Variants in FSIP1 observed in about 807,000 individuals in gnomAD.
The protein encoded by FSIP1 is fibrous sheath interacting protein 1, also known as fibrous sheath-interacting protein 1.
Under a neutral mutation model 60.9 loss-of-function variants are expected in FSIP1, and 65 were observed. That is an observed-to-expected ratio of 1.07 (90% CI 0.87 to 1.31). The LOEUF (loss-of-function observed/expected upper bound fraction) is 1.31. FSIP1 is among the 40% of genes most tolerant of loss of function. The probability of loss-of-function intolerance (pLI) is 0.00; values close to 1 mark genes in which losing one functional copy is unlikely to be tolerated. For synonymous variants in FSIP1, 209 were observed against 221.2 expected (o/e 0.94, Z 0.49); for missense variants, 675 against 665.5 (o/e 1.01, Z -0.16).
chr15:39,690,364 G>A (rs923118494), intron 10 of FSIP1, among the ~76,000 whole-genome samples: 2 of 152,190 alleles, frequency 1.3e-5, no homozygotes, highest in Admixed American at 6.5e-5. Flanking sequence ...AATGTGGTAA[G>A]ACAGAGATAA....
intron 5 of FSIP1, among the ~76,000 whole-genome samples, chr15:39,748,016 C>T (rs552768052): frequency 3.3e-5 from 5 of 152,298 alleles, no homozygotes; most frequent in Non-Finnish European, 7.4e-5. Flanking sequence ...GAGCATCCTT[C>T]ACTGCCTTGA....
chr15:39,780,332 G>A (rs951923896), intron 1 of FSIP1, among the ~76,000 whole-genome samples: 1 of 152,230 alleles, frequency 6.6e-6, no homozygotes, highest in African/African-American at 2.4e-5. Flanking sequence ...AGAACACCCT[G>A]GCTAACACGG....
intron 10 of FSIP1, among the ~76,000 whole-genome samples, chr15:39,635,397 A>G (rs1431518353): frequency 6.6e-6 from 1 of 152,102 alleles, no homozygotes. Context: ...GCATGTATTG[A>G]GTTACTAGAA....
chr15:39,668,299 G>A (rs1030061087), intron 10 of FSIP1, among the ~76,000 whole-genome samples: 1 of 150,092 alleles, frequency 6.7e-6, no homozygotes, highest in East Asian at 2.0e-4. Flanking sequence ...CTTCTTCCTC[G>A]CCTTTTTTGT....
At chr15:39,767,260 C>G (rs561532976) in intron 3 of FSIP1, among the ~76,000 whole-genome samples, 1 of 152,200 alleles carries the variant, frequency 6.6e-6, no homozygotes, top group African/African-American at 2.4e-5. Context: ...TCAAAAGCAA[C>G]ACCTTCTAGT....
Position 39,710,125 on chromosome 15 carries a change from C to T in FSIP1, c.1188+3319G>A, listed in dbSNP as rs191742814. Among the ~76,000 whole-genome samples the T allele has an allele frequency of 7.2e-4, 110 of 152,244 alleles. 2 individuals carry two copies. The highest frequency in any genetic ancestry group is 6.8e-3 in the Middle Eastern group (2 of 294). On this transcript the variant is annotated intron_variant, in intron 10 of 11. Coordinates refer to ENST00000350221, the MANE Select transcript of FSIP1 (RefSeq NM_152597.5). The stretch of plus-strand genomic sequence containing the variant: ...TCCCCTCAACAGGTCACGTGGTACA[C>T]AACATGAATCCACAATTATGAAATC...
At chr15:39,660,998 G>A (rs1182788040) in intron 10 of FSIP1, among the ~76,000 whole-genome samples, 1 of 152,204 alleles carries the variant, frequency 6.6e-6, no homozygotes, top group East Asian at 1.9e-4. Context: ...AGGGATGGAG[G>A]TTTCAGTGAG....
At chr15:39,646,779 A>G (rs1892634545) in intron 10 of FSIP1, among the ~76,000 whole-genome samples, 1 of 152,106 alleles carries the variant, frequency 6.6e-6, no homozygotes, top group Non-Finnish European at 1.5e-5. Flanking sequence ...TTCCTTGTTC[A>G]TTGCAGCATT....
chr15:39,618,213 C>T lies in FSIP1; in HGVS notation c.1221G>A (p.Gln407=). ...TGCATTCATCCAGAAGACACTTTAACTGTTCTTCAGAGAGACATGATGTGG... is the reference window on the plus strand; with the variant it reads ...TGCATTCATCCAGAAGACACTTTAATTGTTCTTCAGAGAGACATGATGTGG... ...LESTSCLSEE[Q]LKCLLDECIL... Residue 407 remains glutamine (Q), a synonymous_variant, in exon 11 of 12, where the codon CAG becomes CAA. Transcript: ENST00000350221. 6.2e-7 allele frequency: 1 copy of T among 1,611,072 alleles called. No homozygotes were observed. The highest frequency in any genetic ancestry group is 8.5e-7 in the Non-Finnish European group (1 of 1,177,522).
intron 10 of FSIP1, among the ~76,000 whole-genome samples, chr15:39,693,254 A>C (rs1894677599): frequency 6.6e-6 from 1 of 152,238 alleles, no homozygotes; most frequent in Non-Finnish European, 1.5e-5. Flanking sequence ...GAGCTCCGTG[A>C]CTTCCAATGC....
At chr15:39,774,677 G>A (rs762905460) in intron 2 of FSIP1, among the ~76,000 whole-genome samples, 4 of 152,188 alleles carry the variant, frequency 2.6e-5, no homozygotes, top group Non-Finnish European at 4.4e-5. Context: ...CTAGGGTTCT[G>A]GACGTACGTT....
chr15:39,764,031 A>ATT (rs199579137), intron 4 of FSIP1, 117 bp from the exon 5 acceptor site: 369 of 472,480 alleles, frequency 7.8e-4, no homozygotes, highest in South Asian at 1.1e-3. Flanking sequence ...GTCTCAGGCT[A>ATT]TTTTTTTTTT....
At chr15:39,659,535 C>A (rs1893208290) in intron 10 of FSIP1, among the ~76,000 whole-genome samples, 1 of 148,204 alleles carries the variant, frequency 6.7e-6, no homozygotes, top group Admixed American at 6.7e-5. Flanking sequence ...GAGCAAGACT[C>A]CTCCTCAAAA....
chr15:39,723,519 A>G (rs990848321), intron 9 of FSIP1, among the ~76,000 whole-genome samples: 3 of 152,202 alleles, frequency 2.0e-5, no homozygotes, highest in Non-Finnish European at 2.9e-5. Flanking sequence ...GTGAGCCACC[A>G]TGCCCAGCCT....
intron 10 of FSIP1, among the ~76,000 whole-genome samples, chr15:39,681,715 T>C (rs748667101): frequency 8.5e-5 from 13 of 152,116 alleles, no homozygotes; most frequent in Non-Finnish European, 1.5e-4. Context: ...AGAAATAAGA[T>C]GAAAATGATT....
At chr15:39,677,991 T>A (rs1412770806) in intron 10 of FSIP1, among the ~76,000 whole-genome samples, 3 of 145,970 alleles carry the variant, frequency 2.1e-5, no homozygotes, top group African/African-American at 7.7e-5. Flanking sequence ...CGAGAATTCG[T>A]CTCAAAAAAA....
intron 5 of FSIP1, among the ~76,000 whole-genome samples, chr15:39,752,502 A>C (rs191360317): frequency 1.3e-4 from 20 of 152,198 alleles, no homozygotes; most frequent in Non-Finnish European, 2.8e-4. Context: ...GATGTAATGT[A>C]ATGAAAATGA....
chr15:39,709,558 T>A (rs2631705), intron 10 of FSIP1, among the ~76,000 whole-genome samples: 144 of 151,964 alleles, frequency 9.5e-4, no homozygotes, highest in Non-Finnish European at 1.6e-3. Context: ...GCCAAGAATC[T>A]CTGGCAAAAG....
chr15:39,704,059 T>C (rs2088562915), intron 10 of FSIP1, among the ~76,000 whole-genome samples: 1 of 152,222 alleles, frequency 6.6e-6, no homozygotes, highest in Non-Finnish European at 1.5e-5. Context: ...GGCCTGTGAT[T>C]AAGAGAACAA....
Sources: allele counts gnomAD v4.1 joint callset (sites outside exome capture counted in the v4.1 genomes callset), GRCh38; gene constraint gnomAD v4.1.1; transcripts MANE v1.5; gene names NCBI Gene and HGNC (gene_info 2026-07-23, HGNC 2026-07-21).